The following SUMF1 variants were observed in gnomAD, a reference collection of about 807,000 sequenced individuals.
SUMF1 encodes the protein sulfatase modifying factor 1.
Under a neutral mutation model 47.6 loss-of-function variants are expected in SUMF1, and 48 were observed. The observed-to-expected ratio is 1.01, with a 90% confidence interval of 0.80 to 1.28. The LOEUF is 1.28. SUMF1 is among the 50% of genes most tolerant of loss of function. The pLI is 0.00. For missense variants in SUMF1, 571 were observed against 485.4 expected (o/e 1.18, Z -1.66); for synonymous variants, 230 against 192.1 (o/e 1.20, Z -1.63).
In SUMF1 at chr3:4,284,486, G is replaced by GAGGAGT; in HGVS notation, c.1014+91843_1014+91844insACTCCT. Reference sequence around the variant, plus strand: ...GGAGGAGGAGGAGAAGGAGGAGGAGGAGGAGAGAAAGTACAAAAGAAGGGG... The same window carrying GAGGAGT: ...GGAGGAGGAGGAGAAGGAGGAGGAGGAGGAGTAGGAGAGAAAGTACAAAAGAAGGGG... On this transcript the variant is annotated intron_variant and NMD_transcript_variant, in intron 8 of 12. Coordinates refer to the SUMF1 transcript ENST00000448413. Among the ~76,000 whole-genome samples the GAGGAGT allele has an allele frequency of 4.7e-5, 7 of 149,478 alleles. No individual in the cohort carries two copies. In the East Asian group the frequency reaches 1.4e-3, roughly 29 times the overall value.
intron 8 of SUMF1, among the ~76,000 whole-genome samples, chr3:4,137,960 C>T (rs1285042216): frequency 1.3e-5 from 2 of 151,900 alleles, no homozygotes; most frequent in East Asian, 3.9e-4. Context: ...GTGAGTTCAG[C>T]AAGGTTGCTG....
intron 8 of SUMF1, among the ~76,000 whole-genome samples, chr3:4,156,116 C>A (rs573346135): frequency 6.6e-6 from 1 of 151,624 alleles, no homozygotes; most frequent in Admixed American, 6.6e-5. Context: ...GCCTTCCCAC[C>A]ACCATAAAGT....
intron 8 of SUMF1, among the ~76,000 whole-genome samples, chr3:4,108,470 G>C (rs984044644): frequency 9.9e-5 from 15 of 152,004 alleles, no homozygotes; most frequent in Non-Finnish European, 4.4e-5. Flanking sequence ...TCAATTCCTG[G>C]ATATCCTTGT....
At chr3:4,261,612 A>G (rs1697086566) in intron 8 of SUMF1, among the ~76,000 whole-genome samples, 1 of 152,200 alleles carries the variant, frequency 6.6e-6, no homozygotes, top group Non-Finnish European at 1.5e-5. Context: ...GTGTAACTGG[A>G]GCTGTGATAT....
intron 8 of SUMF1, among the ~76,000 whole-genome samples, chr3:4,115,307 C>A (rs1033552348): frequency 6.6e-6 from 1 of 152,082 alleles, no homozygotes; most frequent in Non-Finnish European, 1.5e-5. Flanking sequence ...TTCTACTCAA[C>A]GAAACTCTGC....
intron 8 of SUMF1, among the ~76,000 whole-genome samples, chr3:4,278,581 C>A (rs1180311428): frequency 6.6e-6 from 1 of 152,122 alleles, no homozygotes; most frequent in Non-Finnish European, 1.5e-5. Context: ...GTCTATGAGA[C>A]TGGTTTCTCT....
downstream of SUMF1, among the ~76,000 whole-genome samples, chr3:4,357,339 A>AGTCAAG (rs56948677): frequency 3.3e-5 from 5 of 150,446 alleles, no homozygotes; most frequent in African/African-American, 9.8e-5. Context: ...ATATTCCTGA[A>AGTCAAG]TATGGATTTT....
intron 9 of SUMF1, among the ~76,000 whole-genome samples, chr3:4,043,838 G>T (rs925623269): frequency 1.3e-5 from 2 of 151,860 alleles, no homozygotes; most frequent in Non-Finnish European, 2.9e-5. Context: ...TTTTAAGGTA[G>T]TTCTGCCTAA....
At chr3:4,179,830 C>T (rs1472261564) in intron 8 of SUMF1, among the ~76,000 whole-genome samples, 1 of 152,100 alleles carries the variant, frequency 6.6e-6, no homozygotes, top group African/African-American at 2.4e-5. Context: ...CTACAATGAA[C>T]TCAAACAAAT....
intron 8 of SUMF1, among the ~76,000 whole-genome samples, chr3:4,083,839 C>CAA (rs68132287): frequency 8.5e-4 from 82 of 95,956 alleles, no homozygotes; most frequent in African/African-American, 2.6e-3. Flanking sequence ...ACAGGCATGT[C>CAA]AAAAAAAAAA....
intron 7 of SUMF1, among the ~76,000 whole-genome samples, chr3:4,403,090 T>A (rs1413692703): frequency 6.6e-6 from 1 of 152,208 alleles, no homozygotes; most frequent in Non-Finnish European, 1.5e-5. Flanking sequence ...TCCCATGCTA[T>A]CTGCCAAACA....
At position 4,371,248 on chromosome 3, in the gene SUMF1, TATTA is replaced by T. The variant is rs528427001; in HGVS notation, c.1014+5078_1014+5081del. ...TAGGTGGCTGAAAAATGGGTCATTC[TATTA>T]ATTAAGAACAGGGAAAGTGGGAAGG... On this transcript the variant is annotated intron_variant, in intron 8 of 8. Coordinates refer to ENST00000272902, the MANE Select transcript of SUMF1 (RefSeq NM_182760.4). Among the ~76,000 whole-genome samples the T allele has an allele frequency of 1.6e-4, 24 of 152,352 alleles. No individual in the cohort carries two copies. In the East Asian group the frequency reaches 4.6e-3, roughly 29 times the overall value.
chr3:4,241,712 A>T (rs971884324), intron 8 of SUMF1, among the ~76,000 whole-genome samples: 6 of 152,130 alleles, frequency 3.9e-5, no homozygotes, highest in African/African-American at 1.4e-4. Context: ...ACACCAAGGG[A>T]ATTGAGGAAA....
At chr3:4,430,106 G>A (rs1289812413) in intron 3 of SUMF1, among the ~76,000 whole-genome samples, 1 of 152,136 alleles carries the variant, frequency 6.6e-6, no homozygotes, top group Non-Finnish European at 1.5e-5. Context: ...CACGGCTGCA[G>A]GGTTACAATT....
chr3:4,034,593 C>T (rs1210732670), intron 9 of SUMF1, among the ~76,000 whole-genome samples: 1 of 152,080 alleles, frequency 6.6e-6, no homozygotes, highest in African/African-American at 2.4e-5. Flanking sequence ...GATTCTCTCG[C>T]AAATTCAAGT....
intron 8 of SUMF1, among the ~76,000 whole-genome samples, chr3:4,151,573 AC>A (rs1694335783): frequency 6.7e-6 from 1 of 148,738 alleles, no homozygotes; most frequent in African/African-American, 2.5e-5. Flanking sequence ...ACACACACAC[AC>A]ACACACACAC....
chr3:4,101,994 G>T (rs1441540841), intron 8 of SUMF1, among the ~76,000 whole-genome samples: 1 of 152,048 alleles, frequency 6.6e-6, no homozygotes, highest in Non-Finnish European at 1.5e-5. Context: ...GAGCAAAAGG[G>T]GAAGCCCCGT....
chr3:4,252,552 T>G (rs1696829668), intron 8 of SUMF1, among the ~76,000 whole-genome samples: 1 of 152,164 alleles, frequency 6.6e-6, no homozygotes, highest in Non-Finnish European at 1.5e-5. Context: ...CCAAGCTCAT[T>G]ACCAGCCTGC....
chr3:4,081,122 T>C lies in SUMF1; in HGVS notation c.1015-12377A>G, dbSNP rs568772339. Among the ~76,000 whole-genome samples the C allele has an allele frequency of 2.6e-5, 4 of 152,240 alleles. No individual in the cohort carries two copies. In the East Asian group the frequency reaches 7.7e-4, roughly 29 times the overall value. On this transcript the variant is annotated intron_variant and NMD_transcript_variant, in intron 8 of 12. Transcript: ENST00000448413. ...CATAATGACCTCACTTTTCAACTTA[T>C]GTATTGCCTCCTATTTTACAGATAA...
Sources: gnomAD v4.1 joint callset for allele counts (sites outside exome capture counted in the v4.1 genomes callset) on GRCh38, gnomAD v4.1.1 for gene constraint, MANE v1.5 for transcripts, NCBI Gene and HGNC (gene_info 2026-07-23, HGNC 2026-07-21) for gene names.